CDH22: variants seen among roughly 807,000 people sequenced by gnomAD.
The protein encoded by CDH22 is cadherin-22.
CDH22 carries 30 observed loss-of-function variants against 58.4 expected under a neutral mutation model. That is an observed-to-expected ratio of 0.51 (90% confidence interval 0.38 to 0.70). The LOEUF is 0.70. Ranked by LOEUF, CDH22 falls within the 30% of genes least tolerant of loss-of-function variation. The pLI is 0.00. For synonymous variants in CDH22, 513 were observed against 558.2 expected, an observed-to-expected ratio of 0.92 and a Z score of 1.14; for missense variants, 1,014 against 1,233.9, an observed-to-expected ratio of 0.82 and a Z score of 2.67.
intron 1 of CDH22, among the ~76,000 whole-genome samples, chr20:46,302,519 A>T (rs1317185035): frequency 2.6e-5 from 4 of 152,208 alleles, no homozygotes; most frequent in African/African-American, 9.7e-5. Flanking sequence ...AGAGGTTCAA[A>T]ATATAGACAG....
chr20:46,246,699 G>A (rs1004503138), intron 2 of CDH22, among the ~76,000 whole-genome samples: 4 of 152,162 alleles, frequency 2.6e-5, no homozygotes, highest in Non-Finnish European at 4.4e-5. Flanking sequence ...GCCTGGCGGT[G>A]AGTGATGGAG....
intron 8 of CDH22, among the ~76,000 whole-genome samples, chr20:46,190,873 GA>G (rs947804859): frequency 6.6e-6 from 1 of 152,210 alleles, no homozygotes; most frequent in African/African-American, 2.4e-5. Flanking sequence ...CTAGGGTAGA[GA>G]CCAAACTCGG....
At chr20:46,227,799 C>A (rs1319398726) in intron 3 of CDH22, among the ~76,000 whole-genome samples, 172 bp from the exon 4 acceptor site, 1 of 152,226 alleles carries the variant, frequency 6.6e-6, no homozygotes, top group Non-Finnish European at 1.5e-5. Context: ...CAACCCTCTT[C>A]CTGTTTTGAG....
Position 46,216,933 on chromosome 20 carries a change from A to C in CDH22, c.731T>G (p.Val244Gly). ...ACCCGCCATGTCTGTGGCCTGGATC[A>C]CCACCTCGTAGCGCTCCTGGCTCTC... ...DRESQERYEV[V>G]IQATDMAGQL... is the part of the protein sequence containing the mutation. The change falls in exon 5 of 12, where the codon GTG (valine) becomes GGG (glycine). Residue 244 changes from valine to glycine, a missense_variant. Physicochemically the swap from Val to Gly is moderately radical, Grantham distance 109. Coordinates refer to ENST00000537909, the MANE Select transcript of CDH22 (RefSeq NM_021248.3). This position sits in a 1 kb window ranked among gnomAD's most constrained non-coding sequence, Gnocchi z 5.3. 3 of 1,609,848 alleles carry C rather than the reference A, an allele frequency of 1.9e-6. No individual in the cohort carries two copies. The highest frequency in any genetic ancestry group is 2.5e-6 in the Non-Finnish European group (3 of 1,176,652).
In CDH22 at chr20:46,186,962, C is replaced by A; in HGVS notation, c.1424-15G>T. On this transcript the variant is annotated splice_polypyrimidine_tract_variant and intron_variant, in intron 8 of 11. Coordinates refer to ENST00000537909, the MANE Select transcript of CDH22 (RefSeq NM_021248.3). ...TGCATGATTGTCTGTAATGAGAGCA[C>A]AGGAGCAAGGGGAGAGGCATCAAGT... 1 of 1,564,912 alleles carries A rather than the reference C, an allele frequency of 6.4e-7. No homozygotes were observed.
chr20:46,270,245 T>C (rs1342094101), intron 1 of CDH22, among the ~76,000 whole-genome samples: 2 of 152,230 alleles, frequency 1.3e-5, no homozygotes, highest in Admixed American at 6.5e-5. Flanking sequence ...CTGATGGTGC[T>C]GGGAACAGAT....
At chr20:46,295,353 C>G (rs1310212593) in intron 1 of CDH22, among the ~76,000 whole-genome samples, 1 of 152,254 alleles carries the variant, frequency 6.6e-6, no homozygotes, top group Non-Finnish European at 1.5e-5. Context: ...AGCCCATTTG[C>G]TACCCAGCCT....
chr20:46,253,077 G>A (rs1374657891), intron 1 of CDH22, among the ~76,000 whole-genome samples: 2 of 152,190 alleles, frequency 1.3e-5, no homozygotes, highest in Non-Finnish European at 2.9e-5. Context: ...GGTTGGGGTG[G>A]GAGGCTGACC....
At chr20:46,307,740 G>GCA (rs1235251907) in intron 1 of CDH22, among the ~76,000 whole-genome samples, 1 of 151,972 alleles carries the variant, frequency 6.6e-6, no homozygotes, top group Non-Finnish European at 1.5e-5. Flanking sequence ...CACACCGCGC[G>GCA]CACACGCTCG....
At chr20:46,214,682 C>G (rs1335129861) in intron 5 of CDH22, among the ~76,000 whole-genome samples, 5 of 152,246 alleles carry the variant, frequency 3.3e-5, no homozygotes, top group African/African-American at 1.2e-4. Context: ...GTCCTCCTCT[C>G]TGCCTTTGCC....
chr20:46,280,915 CCA>C (rs1313204512), intron 1 of CDH22, among the ~76,000 whole-genome samples: 1 of 152,192 alleles, frequency 6.6e-6, no homozygotes, highest in Non-Finnish European at 1.5e-5. Context: ...GCTGTGTGAG[CCA>C]CAGTGTCCAA....
chr20:46,251,053 A>G lies in CDH22; in HGVS notation c.242T>C (p.Leu81Pro). 2 of 1,609,892 alleles carry G rather than the reference A, an allele frequency of 1.2e-6. No homozygotes were observed. The highest frequency in any genetic ancestry group is 8.5e-7 in the Non-Finnish European group (1 of 1,177,170). Reference protein sequence around the residue: ...VVEEYTGTEPLYVGKIHSDSD... With the variant: ...VVEEYTGTEPPYVGKIHSDSD... ...GCCCCACTTTACCTTGCCCACATAC[A>G]GGGGCTCCGTGCCCGTGTACTCCTC... Residue 81 changes from leucine to proline, a missense_variant, in exon 2 of 12, where the codon CTG becomes CCG. Leu to Pro is a moderately conservative substitution (Grantham distance 98). This residue lies in a region of CDH22 where 806 missense variants were observed against 1,038.7 expected (regional missense o/e 0.78). Coordinates refer to ENST00000537909, the MANE Select transcript of CDH22 (RefSeq NM_021248.3). The surrounding 1 kb of genome is among the most constrained non-coding windows in gnomAD (Gnocchi z 6.7).
chr20:46,185,567 G>T (rs2085819164), intron 10 of CDH22, among the ~76,000 whole-genome samples: 1 of 152,040 alleles, frequency 6.6e-6, no homozygotes. Context: ...CTGTGAGGTT[G>T]CAGAAAGAAA....
intron 1 of CDH22, among the ~76,000 whole-genome samples, chr20:46,271,961 C>T (rs1477400278): frequency 3.9e-5 from 6 of 152,352 alleles, no homozygotes; most frequent in Admixed American, 2.6e-4. Flanking sequence ...AAACTTCAAA[C>T]TCAACATATT....
intron 2 of CDH22, among the ~76,000 whole-genome samples, chr20:46,246,811 G>C (rs1173936546): frequency 6.6e-6 from 1 of 152,154 alleles, no homozygotes; most frequent in East Asian, 1.9e-4. Flanking sequence ...CGGATGCTCC[G>C]AGCGGCTCCC....
At chr20:46,181,401 C>G (rs1032261102) in intron 10 of CDH22, among the ~76,000 whole-genome samples, 1 of 152,038 alleles carries the variant, frequency 6.6e-6, no homozygotes, top group African/African-American at 2.4e-5. Flanking sequence ...ATGCAAAGGT[C>G]CTGAGGTTGG....
At chr20:46,284,541 G>A (rs1361786598) in intron 1 of CDH22, among the ~76,000 whole-genome samples, 2 of 152,196 alleles carry the variant, frequency 1.3e-5, no homozygotes, top group Non-Finnish European at 2.9e-5. Context: ...GGAGGTAGAT[G>A]TACAGAGGTG....
rs370205754 is a variant in CDH22, at chr20:46,292,785, A to G, written c.-400+15470T>C. Among the ~76,000 whole-genome samples the G allele has an allele frequency of 2.8e-4, 42 of 152,264 alleles. No individual in the cohort carries two copies. In the East Asian group the frequency reaches 5.2e-3, roughly 19 times the overall value. ...GCTCTCCTGCCCATTATCCACCTGG[A>G]GAACTATTCATCTTTTTAAGACTGA... is the stretch of plus-strand genomic sequence containing the variant. On this transcript the variant is annotated intron_variant, in intron 1 of 11. Transcript: ENST00000537909.
intron 1 of CDH22, among the ~76,000 whole-genome samples, chr20:46,293,776 G>A (rs539200498): frequency 4.6e-5 from 7 of 152,272 alleles, no homozygotes; most frequent in South Asian, 2.1e-4. Context: ...CAGCACTTTC[G>A]AAGGCCAAGG....
Sources: allele counts gnomAD v4.1 joint callset (sites outside exome capture counted in the v4.1 genomes callset), GRCh38; gene constraint gnomAD v4.1.1; regional missense constraint gnomAD v4.1.1; non-coding constraint Gnocchi (gnomAD v3.1); transcripts MANE v1.5; gene names NCBI Gene and HGNC (gene_info 2026-07-23, HGNC 2026-07-21).